GRM7: variants seen among roughly 807,000 people sequenced by gnomAD.
The protein encoded by GRM7 is metabotropic glutamate receptor 7.
In GRM7, 35 loss-of-function variants were observed where a neutral mutation model predicts 84.5. That is an observed-to-expected ratio of 0.41 (90% CI 0.32 to 0.55). The LOEUF (loss-of-function observed/expected upper bound fraction) is 0.55, where lower values mean the gene tolerates loss of function less well. Among genes scored for constraint, GRM7 ranks in the 20% least tolerant of loss-of-function variants. The probability of loss-of-function intolerance (pLI) is 0.19; values close to 1 mark genes in which losing one functional copy is unlikely to be tolerated. For missense variants in GRM7, 1,003 were observed against 1,194.6 expected, an observed-to-expected ratio of 0.84 and a Z score of 2.36; for synonymous variants, 487 against 455.1, an observed-to-expected ratio of 1.07 and a Z score of -0.89.
intron 2 of GRM7, among the ~76,000 whole-genome samples, chr3:7,237,229 C>G (rs1697377923): frequency 6.6e-6 from 1 of 152,188 alleles, no homozygotes; most frequent in Non-Finnish European, 1.5e-5. Context: ...ATTTCTGTTA[C>G]CTCTATCCTT....
At chr3:7,365,647 G>GTATATA (rs755999982) in intron 4 of GRM7, among the ~76,000 whole-genome samples, 53 of 130,058 alleles carry the variant, frequency 4.1e-4, no homozygotes, top group African/African-American at 1.3e-3. Context: ...GTGCGTGTGT[G>GTATATA]TATATATATA....
intron 8 of GRM7, among the ~76,000 whole-genome samples, chr3:7,631,101 T>G (rs1697841175): frequency 6.6e-6 from 1 of 152,110 alleles, no homozygotes; most frequent in South Asian, 2.1e-4. Context: ...CAAAGAACAT[T>G]TGTCATTTCA....
At chr3:7,260,552 C>G (rs1468554967) in intron 2 of GRM7, among the ~76,000 whole-genome samples, 1 of 152,044 alleles carries the variant, frequency 6.6e-6, no homozygotes, top group African/African-American at 2.4e-5. Flanking sequence ...GTAACGTCCC[C>G]TTTGTTATTT....
At chr3:7,665,330 C>A (rs113625846) in intron 8 of GRM7, among the ~76,000 whole-genome samples, 2 of 151,364 alleles carry the variant, frequency 1.3e-5, no homozygotes, top group Admixed American at 1.3e-4. Flanking sequence ...CGCCACCGCA[C>A]CCGGCTAATT....
intron 1 of GRM7, among the ~76,000 whole-genome samples, chr3:7,106,183 A>G (rs934220395): frequency 6.6e-6 from 1 of 151,950 alleles, no homozygotes; most frequent in Non-Finnish European, 1.5e-5. Context: ...AATATTAGAT[A>G]TTTTCTTTAA....
intron 8 of GRM7, among the ~76,000 whole-genome samples, chr3:7,650,270 A>G (rs745652962): frequency 6.6e-6 from 1 of 152,182 alleles, no homozygotes; most frequent in Non-Finnish European, 1.5e-5. Context: ...GCCCCTTCCC[A>G]GCTTTATAGC....
At chr3:7,000,116 CT>C (rs1332083063) in intron 1 of GRM7, among the ~76,000 whole-genome samples, 5 of 146,686 alleles carry the variant, frequency 3.4e-5, no homozygotes, top group South Asian at 2.2e-4. Context: ...TTTTTTGTAA[CT>C]TTTTTTCATC....
At chr3:7,012,267 T>G in intron 1 of GRM7, among the ~76,000 whole-genome samples, 1 of 152,338 alleles carries the variant, frequency 6.6e-6, no homozygotes. Context: ...GGAAACAATC[T>G]TGGCTCTCAG....
intron 1 of GRM7, among the ~76,000 whole-genome samples, chr3:6,865,124 C>T (rs1574941491): frequency 6.6e-6 from 1 of 152,204 alleles, no homozygotes; most frequent in African/African-American, 2.4e-5. Context: ...CCCTGCAATG[C>T]ATTTTCAGCC....
intron 2 of GRM7, among the ~76,000 whole-genome samples, chr3:7,255,020 A>G (rs1332549115): frequency 1.3e-5 from 2 of 152,222 alleles, no homozygotes; most frequent in Non-Finnish European, 2.9e-5. Context: ...ATGAGCAAAG[A>G]TTTTGTTAAG....
chr3:6,931,381 A>T (rs959895861), intron 1 of GRM7, among the ~76,000 whole-genome samples: 2 of 152,188 alleles, frequency 1.3e-5, no homozygotes, highest in Non-Finnish European at 2.9e-5. Context: ...GGCCACTCTC[A>T]GGCTTCTCAT....
At chr3:7,118,333 T>C (rs1693110051) in intron 1 of GRM7, among the ~76,000 whole-genome samples, 1 of 151,864 alleles carries the variant, frequency 6.6e-6, no homozygotes, top group Admixed American at 6.6e-5. Context: ...GAGTCTATAG[T>C]GAGCTGTGGT....
chr3:6,943,063 G>T (rs562763238), intron 1 of GRM7, among the ~76,000 whole-genome samples: 1 of 151,826 alleles, frequency 6.6e-6, no homozygotes, highest in African/African-American at 2.4e-5. Flanking sequence ...TGGTAAGTTG[G>T]TTCCTTATTG....
intron 1 of GRM7, among the ~76,000 whole-genome samples, chr3:6,958,859 G>T (rs2125079196): frequency 6.6e-6 from 1 of 152,202 alleles, no homozygotes; most frequent in South Asian, 2.1e-4. Flanking sequence ...ATTAGAAGCA[G>T]AAAATCCAGT....
At chr3:7,543,929 T>C (rs998078551) in intron 7 of GRM7, among the ~76,000 whole-genome samples, 2 of 152,032 alleles carry the variant, frequency 1.3e-5, no homozygotes, top group Admixed American at 6.6e-5. Flanking sequence ...GCAAGAAAAA[T>C]AGATTTTCCT....
At chr3:7,515,211 CAAAAA>C (rs35576148) in intron 7 of GRM7, among the ~76,000 whole-genome samples, 26 of 128,800 alleles carry the variant, frequency 2.0e-4, no homozygotes, top group African/African-American at 5.8e-4. Flanking sequence ...TGTAGAAGGA[CAAAAA>C]AAAAAAAAAA....
At chr3:7,080,456 T>A (rs6774368) in intron 1 of GRM7, among the ~76,000 whole-genome samples, 318 of 152,158 alleles carry the variant, frequency 2.1e-3, no homozygotes, top group African/African-American at 7.2e-3. Flanking sequence ...CATTCTGAGC[T>A]TCAAAGTGAT....
At chr3:6,952,376 C>T (rs527607355) in intron 1 of GRM7, among the ~76,000 whole-genome samples, 1 of 152,312 alleles carries the variant, frequency 6.6e-6, no homozygotes, top group East Asian at 1.9e-4. Flanking sequence ...CATGCATGCA[C>T]CAAACAGCAC....
intron 1 of GRM7, among the ~76,000 whole-genome samples, chr3:7,099,202 T>A (rs1488906595): frequency 6.7e-6 from 1 of 149,466 alleles, no homozygotes; most frequent in Non-Finnish European, 1.5e-5. Context: ...ATATACGTAT[T>A]ATTATATTGC....
Sources: allele counts gnomAD v4.1 joint callset (sites outside exome capture counted in the v4.1 genomes callset), GRCh38; gene constraint gnomAD v4.1.1; transcripts MANE v1.5; gene names NCBI Gene and HGNC (gene_info 2026-07-23, HGNC 2026-07-21).